Variants in PLA2G4A observed in about 807,000 individuals in gnomAD.
The protein encoded by PLA2G4A is cytosolic phospholipase A2.
Under a neutral mutation model 81.9 loss-of-function variants are expected in PLA2G4A, and 40 were observed. The ratio of observed to expected loss-of-function variants is 0.49; its 90% confidence interval spans 0.38 to 0.64. The LOEUF (loss-of-function observed/expected upper bound fraction) is 0.64. PLA2G4A is among the 30% of genes least tolerant of loss of function. The pLI, the probability that PLA2G4A is intolerant of heterozygous loss-of-function variation, is 0.00. For missense variants in PLA2G4A, 715 were observed against 905.1 expected (o/e 0.79, Z 2.69); for synonymous variants, 302 against 296.9 (o/e 1.02, Z -0.18).
At chr1:186,914,073 T>G (rs1215464513) in intron 7 of PLA2G4A, among the ~76,000 whole-genome samples, 1 of 134,458 alleles carries the variant, frequency 7.4e-6, no homozygotes, top group Non-Finnish European at 1.5e-5. Flanking sequence ...ATCCTGCATC[T>G]TTTGTTTTGT....
rs183750484 is a variant in PLA2G4A at position 186,838,413 on chromosome 1, A to T, written c.-70+9378A>T. On this transcript the variant is annotated intron_variant, in intron 1 of 17. Coordinates refer to ENST00000367466, the MANE Select transcript of PLA2G4A (RefSeq NM_024420.3). ...ACCAAATCTAAACAAAAATTCATAA[A>T]AATGAATGAGTCTGTAGAACAGAGT... Among the ~76,000 whole-genome samples the T allele has an allele frequency of 3.4e-4, 52 of 152,336 alleles. 1 individual carries two copies. The East Asian group carries it at 8.3e-3, about 24-fold the overall frequency.
intron 13 of PLA2G4A, among the ~76,000 whole-genome samples, chr1:186,955,573 C>G (rs1283024509): frequency 6.6e-6 from 1 of 151,962 alleles, no homozygotes; most frequent in Non-Finnish European, 1.5e-5. Context: ...GTGGCACTGT[C>G]GAGAATATAC....
At chr1:186,854,237 G>T (rs1652475241) in intron 1 of PLA2G4A, 49 bp from the exon 2 acceptor site, 2 of 715,582 alleles carry the variant, frequency 2.8e-6, no homozygotes, top group South Asian at 1.6e-5. Context: ...TTAAATCTTA[G>T]AACTGCATCC....
At chr1:186,896,715 AAAG>A (rs762110930) in intron 5 of PLA2G4A, among the ~76,000 whole-genome samples, 5 of 152,228 alleles carry the variant, frequency 3.3e-5, no homozygotes, top group African/African-American at 4.8e-5. Flanking sequence ...TCCTGAATTT[AAAG>A]AAGATTATGT....
In PLA2G4A at chr1:186,932,597, G is replaced by A. The variant is rs1209114092; in HGVS notation, c.559-166G>A. On this transcript the variant is annotated intron_variant, in intron 7 of 17. Transcript: ENST00000367466. Reference sequence around the variant, plus strand: ...ATTACAGATGTGAGCCACTGCACCCGGCCTTATTTTCTTCTTTTAAAAAAT... The same window carrying A: ...ATTACAGATGTGAGCCACTGCACCCAGCCTTATTTTCTTCTTTTAAAAAAT... Among the ~76,000 whole-genome samples, 9 of 127,678 alleles carry A rather than the reference G, an allele frequency of 7.0e-5. No homozygotes were observed. In the East Asian group the frequency reaches 9.9e-4, roughly 14 times the overall value. 83.8% of individuals were successfully genotyped at this position (127,678 alleles called of 152,430 possible). A position where few individuals can be genotyped will look rare whatever the true frequency, so the allele number is the denominator to read the frequency against.
Position 186,856,593 on chromosome 1 carries a change from T to C in PLA2G4A, c.33+2206T>C, listed in dbSNP as rs1451255556. Among the ~76,000 whole-genome samples the C allele has an allele frequency of 3.3e-5, 5 of 152,166 alleles. No homozygotes were observed. The East Asian group carries it at 7.7e-4, about 24-fold the overall frequency. Reference sequence around the variant, plus strand: ...TTTTAATAGAGACGGAGTTTTGCCATGTTGGCCAGGCTGGTATTGAACTCC... The same window carrying C: ...TTTTAATAGAGACGGAGTTTTGCCACGTTGGCCAGGCTGGTATTGAACTCC... On this transcript the variant is annotated intron_variant, in intron 2 of 17. Transcript: ENST00000367466.
At chr1:186,857,575 A>G (rs1049467086) in intron 2 of PLA2G4A, among the ~76,000 whole-genome samples, 3 of 144,032 alleles carry the variant, frequency 2.1e-5, no homozygotes, top group Non-Finnish European at 4.5e-5. Context: ...TATTAATATA[A>G]ATATAAAATA....
intron 3 of PLA2G4A, among the ~76,000 whole-genome samples, chr1:186,879,789 CTTTATTTTAATTTT>C (rs1282127542): frequency 4.0e-4 from 60 of 150,366 alleles, no homozygotes; most frequent in African/African-American, 1.3e-3. Context: ...TATGTACTGT[CTTTATTTTAATTTT>C]TTTATTTTAA....
chr1:186,891,111 TA>T (rs201184301), intron 3 of PLA2G4A, among the ~76,000 whole-genome samples: 6 of 151,992 alleles, frequency 3.9e-5, no homozygotes, highest in African/African-American at 7.2e-5. Flanking sequence ...ATCTTTTTTT[TA>T]AAAAAAAGTA....
chr1:186,959,252 A>G (rs1452473818), intron 14 of PLA2G4A, among the ~76,000 whole-genome samples: 2 of 152,120 alleles, frequency 1.3e-5, no homozygotes, highest in African/African-American at 4.8e-5. Flanking sequence ...GCATTTGGAG[A>G]ATAATAGTTG....
intron 1 of PLA2G4A, among the ~76,000 whole-genome samples, chr1:186,853,239 G>A (rs931464096): frequency 3.3e-5 from 5 of 151,396 alleles, no homozygotes; most frequent in African/African-American, 4.8e-5. Context: ...ACTCAAGAGC[G>A]TATTAGAAGA....
intron 16 of PLA2G4A, 54 bp downstream of exon 16, chr1:186,977,842 A>G: frequency 8.8e-7 from 1 of 1,141,438 alleles, no homozygotes; most frequent in Admixed American, 1.7e-5. Context: ...AGGGGACGAA[A>G]CTGACATTAA....
At chr1:186,875,200 G>A (rs1653421068) in intron 3 of PLA2G4A, among the ~76,000 whole-genome samples, 1 of 152,066 alleles carries the variant, frequency 6.6e-6, no homozygotes, top group African/African-American at 2.4e-5. Context: ...TATAGGACTT[G>A]TGAGCAGAGC....
chr1:186,972,428 G>A (rs1279302343), intron 15 of PLA2G4A, among the ~76,000 whole-genome samples: 1 of 152,064 alleles, frequency 6.6e-6, no homozygotes, highest in Non-Finnish European at 1.5e-5. Context: ...AAAATTAAGA[G>A]GCTGTGAATT....
At chr1:186,910,220 A>T (rs1379534412) in intron 6 of PLA2G4A, among the ~76,000 whole-genome samples, 1 of 152,160 alleles carries the variant, frequency 6.6e-6, no homozygotes. Context: ...TCTGTATTTT[A>T]CAAGGAAAAA....
At position 186,908,977 on chromosome 1, in the gene PLA2G4A, T is replaced by C. The variant is rs868057070; in HGVS notation, c.416+1975T>C. On this transcript the variant is annotated intron_variant, in intron 6 of 17. Transcript: ENST00000367466. ...TAATTTCTTTTCTTTTCTTTTTTTT[T>C]TTTTTTTTTTTTTTGAGACGGAGTC... 5.7e-3 allele frequency among the ~76,000 whole-genome samples: 767 copies of C among 134,818 alleles called. 6 individuals carry two copies. Among genetic ancestry groups the C allele is most frequent in the African/African-American group, 0.02 (736 of 36,590 alleles). The allele number at this position is 134,818 out of a possible 152,430, so 88.4% of individuals were successfully genotyped here.
At chr1:186,884,840 C>T (rs1019886551) in intron 3 of PLA2G4A, among the ~76,000 whole-genome samples, 3 of 150,606 alleles carry the variant, frequency 2.0e-5, no homozygotes, top group African/African-American at 4.9e-5. Flanking sequence ...GCTGAGATGG[C>T]ACCATGGTGC....
At chr1:186,877,703 C>CAAAA (rs1653554183) in intron 3 of PLA2G4A, among the ~76,000 whole-genome samples, 1 of 31,236 alleles carries the variant, frequency 3.2e-5, no homozygotes, top group African/African-American at 1.6e-4. Context: ...GAGGCTTACT[C>CAAAA]ACAAAAAAAA....
In PLA2G4A at chr1:186,946,626, A is replaced by C. The variant is rs1656355583; in HGVS notation, c.1034-11A>C. ...TATTAATGGATTGCCTTGTTTTTAA[A>C]ATACTTTCAGATTGGGTTGAATTTA... On this transcript the variant is annotated splice_polypyrimidine_tract_variant and intron_variant, in intron 10 of 17. Coordinates refer to ENST00000367466, the MANE Select transcript of PLA2G4A (RefSeq NM_024420.3). The C allele has an allele frequency of 2.5e-6, 4 of 1,601,012 alleles. No individual in the cohort carries two copies. The highest frequency in any genetic ancestry group is 3.4e-6 in the Non-Finnish European group (4 of 1,168,792).
Sources: gnomAD v4.1 joint callset for allele counts (sites outside exome capture counted in the v4.1 genomes callset) on GRCh38, gnomAD v4.1.1 for gene constraint, MANE v1.5 for transcripts, NCBI Gene and HGNC (gene_info 2026-07-23, HGNC 2026-07-21) for gene names.